KSR2: variants seen among roughly 807,000 people sequenced by gnomAD.
KSR2 encodes kinase suppressor of ras 2.
In KSR2, 25 loss-of-function variants were observed where a neutral mutation model predicts 107.8. The observed-to-expected ratio is 0.23, with a 90% CI of 0.17 to 0.32. The LOEUF (loss-of-function observed/expected upper bound fraction) is 0.32. Ranked by LOEUF, KSR2 falls within the 10% of genes least tolerant of loss-of-function variation. The pLI, the probability that KSR2 is intolerant of heterozygous loss-of-function variation, is 1.00. For synonymous variants in KSR2, 480 were observed against 507.0 expected (o/e 0.95, Z 0.71); for missense variants, 887 against 1,268.9 (o/e 0.70, Z 4.57).
At chr12:117,489,316 T>C (rs1872628272) in intron 14 of KSR2, among the ~76,000 whole-genome samples, 2 of 152,110 alleles carry the variant, frequency 1.3e-5, no homozygotes, top group African/African-American at 4.8e-5. Flanking sequence ...GAAGGTACGT[T>C]ATCCTTCCAA....
At chr12:117,826,046 A>G (rs1361184595) in intron 3 of KSR2, among the ~76,000 whole-genome samples, 5 of 150,606 alleles carry the variant, frequency 3.3e-5, no homozygotes, top group South Asian at 2.1e-4. Context: ...TGGATGGATG[A>G]ATGGATGGAT....
chr12:117,505,213 C>A (rs1257679289), intron 14 of KSR2, among the ~76,000 whole-genome samples: 1 of 152,172 alleles, frequency 6.6e-6, no homozygotes, highest in Non-Finnish European at 1.5e-5. Context: ...GCACCAGAAT[C>A]CTGACCTTGT....
rs536174913 is a variant in KSR2 at position 117,672,770 on chromosome 12, G to A, written c.987-5112C>T. 9.9e-5 allele frequency among the ~76,000 whole-genome samples: 15 copies of A among 152,232 alleles called. 1 individual carries two copies. The highest frequency in any genetic ancestry group is 2.4e-4 in the African/African-American group (10 of 41,540). On this transcript the variant is annotated intron_variant, in intron 4 of 19. Coordinates refer to ENST00000339824, the MANE Select transcript of KSR2 (RefSeq NM_173598.6). Reference sequence around the variant, plus strand: ...CTCCCAAGTAGCTGGGACTATGGGCGTGTGCCACCATGCCCGGCTAATTTT... The same window carrying A: ...CTCCCAAGTAGCTGGGACTATGGGCATGTGCCACCATGCCCGGCTAATTTT...
intron 4 of KSR2, among the ~76,000 whole-genome samples, chr12:117,720,400 A>G (rs888089001): frequency 6.6e-6 from 1 of 152,214 alleles, no homozygotes; most frequent in Non-Finnish European, 1.5e-5. Context: ...TATATATAAT[A>G]TTAGAGTGTT....
At chr12:117,908,796 C>T (rs1440095913) in intron 1 of KSR2, among the ~76,000 whole-genome samples, 1 of 152,216 alleles carries the variant, frequency 6.6e-6, no homozygotes, top group Non-Finnish European at 1.5e-5. Flanking sequence ...ATATGTCACA[C>T]TCAAGTTTCC....
At chr12:117,491,251 C>T (rs533951044) in intron 14 of KSR2, among the ~76,000 whole-genome samples, 103 of 152,310 alleles carry the variant, frequency 6.8e-4, no homozygotes, top group Non-Finnish European at 1.0e-3. Context: ...GCCATCTCAG[C>T]TCACTGCAAC....
chr12:117,774,672 G>A (rs575744173), intron 3 of KSR2, among the ~76,000 whole-genome samples: 1 of 152,182 alleles, frequency 6.6e-6, no homozygotes, highest in African/African-American at 2.4e-5. Flanking sequence ...AATGTATTGA[G>A]GTGAAATTCA....
At chr12:117,932,858 C>T (rs1291558805) in intron 1 of KSR2, among the ~76,000 whole-genome samples, 1 of 151,810 alleles carries the variant, frequency 6.6e-6, no homozygotes, top group Non-Finnish European at 1.5e-5. Context: ...ACTAAAAATA[C>T]AAAAATTAGC....
chr12:117,743,230 C>T (rs551405241), intron 4 of KSR2, among the ~76,000 whole-genome samples: 1 of 152,226 alleles, frequency 6.6e-6, no homozygotes, highest in South Asian at 2.1e-4. Flanking sequence ...CCCAACTTCC[C>T]ATTACTAACT....
At chr12:117,759,431 G>A (rs1404636400) in intron 4 of KSR2, among the ~76,000 whole-genome samples, 6 of 152,192 alleles carry the variant, frequency 3.9e-5, no homozygotes, top group African/African-American at 1.4e-4. Context: ...CAGAAAAAGT[G>A]TGCCAACCCT....
intron 1 of KSR2, among the ~76,000 whole-genome samples, chr12:117,916,124 T>C (rs1227066223): frequency 6.6e-6 from 1 of 150,376 alleles, no homozygotes; most frequent in African/African-American, 2.5e-5. Flanking sequence ...TTTGAGTTTT[T>C]ATTTCTTCTT....
chr12:117,784,322 G>C (rs1889986694), intron 3 of KSR2, among the ~76,000 whole-genome samples: 1 of 152,148 alleles, frequency 6.6e-6, no homozygotes, highest in African/African-American at 2.4e-5. Flanking sequence ...ATAAATGGGA[G>C]TTCCCCTGCA....
chr12:117,584,906 C>T (rs774014796), intron 5 of KSR2, among the ~76,000 whole-genome samples: 6 of 152,184 alleles, frequency 3.9e-5, no homozygotes, highest in Non-Finnish European at 5.9e-5. Context: ...CACAGCCAGG[C>T]ACCTGCAGAT....
In KSR2 at chr12:117,934,907, C is replaced by G. The variant is rs138365976; in HGVS notation, c.180+33169G>C. ...GTGGTACGAGCATGGCTCACTGCAG[C>G]CTTGAACTCCTGGGTTCAAGGGATC... On this transcript the variant is annotated intron_variant, in intron 1 of 19. Transcript: ENST00000339824. 6.1e-3 allele frequency among the ~76,000 whole-genome samples: 933 copies of G among 152,188 alleles called. 14 individuals are homozygous for G. The highest frequency in any genetic ancestry group is 0.022 in the African/African-American group (900 of 41,530).
At chr12:117,799,653 G>A (rs12307761) in intron 3 of KSR2, among the ~76,000 whole-genome samples, 14,418 of 152,126 alleles carry the variant, frequency 0.095, 2,217 homozygotes, top group African/African-American at 0.32. Context: ...GGGATCAAGC[G>A]GACTGGTATT....
At chr12:117,910,668 C>T (rs1208044445) in intron 1 of KSR2, among the ~76,000 whole-genome samples, 1 of 152,200 alleles carries the variant, frequency 6.6e-6, no homozygotes, top group Non-Finnish European at 1.5e-5. Flanking sequence ...GGGCCAGGCA[C>T]TCACCTGTAC....
At chr12:117,620,230 A>T (rs1882114449) in intron 5 of KSR2, among the ~76,000 whole-genome samples, 1 of 152,160 alleles carries the variant, frequency 6.6e-6, no homozygotes, top group Non-Finnish European at 1.5e-5. Context: ...TTCTCCCTAC[A>T]AAACCACCTT....
intron 9 of KSR2, among the ~76,000 whole-genome samples, chr12:117,554,765 T>A (rs1877541314): frequency 6.6e-6 from 1 of 152,162 alleles, no homozygotes; most frequent in Non-Finnish European, 1.5e-5. Flanking sequence ...CCATGAAACC[T>A]CTTTTTCTTT....
intron 3 of KSR2, among the ~76,000 whole-genome samples, chr12:117,813,781 C>G (rs1891279981): frequency 6.6e-6 from 1 of 152,098 alleles, no homozygotes; most frequent in Non-Finnish European, 1.5e-5. Flanking sequence ...GAGCATTTAT[C>G]CAAAGGAAAA....
Sources: allele counts gnomAD v4.1 joint callset (sites outside exome capture counted in the v4.1 genomes callset), GRCh38; gene constraint gnomAD v4.1.1; transcripts MANE v1.5; gene names NCBI Gene and HGNC (gene_info 2026-07-23, HGNC 2026-07-21).